The following KIAA1217 variants were observed in gnomAD, a reference collection of about 807,000 sequenced individuals.
KIAA1217 encodes the protein sickle tail protein homolog.
KIAA1217 carries 88 observed loss-of-function variants against 163.9 expected under a neutral mutation model. The observed-to-expected ratio is 0.54, with a 90% CI of 0.45 to 0.64. KIAA1217 has a LOEUF of 0.64. KIAA1217 is among the 30% of genes least tolerant of loss of function. The pLI is 0.00. For missense variants in KIAA1217, 2,372 were observed against 2,475.0 expected (o/e 0.96, Z 0.88); for synonymous variants, 903 against 923.1 (o/e 0.98, Z 0.39).
chr10:23,704,172 GTATA>G (rs35533445), intron 1 of KIAA1217, among the ~76,000 whole-genome samples: 6,242 of 39,684 alleles, frequency 0.16, 422 homozygotes, highest in Middle Eastern at 0.26. Context: ...GTGTGTGTGT[GTATA>G]TATATATATA....
At chr10:24,081,745 G>T (rs1457725963) in intron 2 of KIAA1217, among the ~76,000 whole-genome samples, 2 of 152,216 alleles carry the variant, frequency 1.3e-5, no homozygotes, top group African/African-American at 2.4e-5. Flanking sequence ...AATGTGTGAA[G>T]AAAATTTATA....
chr10:23,927,439 ATAT>A (rs1415713084), intron 1 of KIAA1217, among the ~76,000 whole-genome samples: 34 of 152,028 alleles, frequency 2.2e-4, no homozygotes, highest in Admixed American at 2.2e-3. Flanking sequence ...TAACGTGAAA[ATAT>A]TATGAGAATT....
chr10:24,341,618 A>G (rs556083992), intron 2 of KIAA1217, among the ~76,000 whole-genome samples: 1 of 152,022 alleles, frequency 6.6e-6, no homozygotes, highest in East Asian at 1.9e-4. Flanking sequence ...TCTGCGTCAT[A>G]GCCAAAGACT....
At chr10:23,710,866 C>T (rs1274966505) in intron 1 of KIAA1217, among the ~76,000 whole-genome samples, 1 of 152,170 alleles carries the variant, frequency 6.6e-6, no homozygotes, top group Non-Finnish European at 1.5e-5. Context: ...ACCATCTATC[C>T]TTCTTATTCT....
intron 2 of KIAA1217, among the ~76,000 whole-genome samples, chr10:24,184,526 C>T (rs1313632314): frequency 6.6e-6 from 1 of 152,154 alleles, no homozygotes; most frequent in Admixed American, 6.5e-5. Flanking sequence ...GACTATCACC[C>T]ACACAGACTA....
chr10:23,765,313 C>T (rs1448693075), intron 1 of KIAA1217, among the ~76,000 whole-genome samples: 1 of 150,914 alleles, frequency 6.6e-6, no homozygotes, highest in African/African-American at 2.4e-5. Flanking sequence ...CTCAGCCTCC[C>T]GAGTAGCTGG....
intron 3 of KIAA1217, among the ~76,000 whole-genome samples, chr10:24,402,469 A>T (rs1242493683): frequency 6.7e-6 from 1 of 148,602 alleles, no homozygotes; most frequent in Non-Finnish European, 1.5e-5. Context: ...AGATCGCGCC[A>T]CTGCACTCCA....
At chr10:24,509,599 A>G (rs1245006696) in intron 9 of KIAA1217, among the ~76,000 whole-genome samples, 1 of 152,198 alleles carries the variant, frequency 6.6e-6, no homozygotes, top group Admixed American at 6.5e-5. Flanking sequence ...CTTGAACAAC[A>G]TGGGGGTTGG....
chr10:24,526,805 A>G (rs1230398059), intron 13 of KIAA1217, among the ~76,000 whole-genome samples: 1 of 152,202 alleles, frequency 6.6e-6, no homozygotes, highest in South Asian at 2.1e-4. Context: ...ACAGAAAAAA[A>G]GTATATGCCA....
rs374855179 is a variant in KIAA1217, at chr10:24,489,989, A to G, written c.1680-4511A>G. 2.6e-5 allele frequency among the ~76,000 whole-genome samples: 4 copies of G among 152,060 alleles called. No individual in the cohort carries two copies. In the East Asian group the frequency reaches 7.7e-4, roughly 29 times the overall value. ...GCAGAACAGACCACCAGCGGTATGA[A>G]TTTTGCTTCGTCTTCACAGACAGAC... On this transcript the variant is annotated intron_variant, in intron 6 of 20. Coordinates refer to ENST00000376454, the MANE Select transcript of KIAA1217 (RefSeq NM_019590.5).
chr10:24,402,516 C>CAAAAAAAAAAAAAAAA lies in KIAA1217; in HGVS notation c.553+21455_553+21456insAAAAAAAAAAAAAAAA, dbSNP rs372012492. On this transcript the variant is annotated intron_variant, in intron 3 of 20. Coordinates refer to ENST00000376454, the MANE Select transcript of KIAA1217 (RefSeq NM_019590.5). ...AAGGCAAGACTCCCTCTCAAAAAAA[C>CAAAAAAAAAAAAAAAA]AAAAAACAAAACAAAAAAAAAAAAA... 3.4e-4 allele frequency among the ~76,000 whole-genome samples: 32 copies of CAAAAAAAAAAAAAAAA among 92,796 alleles called. 1 individual carries two copies. The highest frequency in any genetic ancestry group is 1.5e-3 in the South Asian group (4 of 2,614). The allele number at this position is 92,796 out of a possible 152,430, so 60.9% of individuals were successfully genotyped here. A position where few individuals can be genotyped will look rare whatever the true frequency, so the allele number is the denominator to read the frequency against.
intron 5 of KIAA1217, among the ~76,000 whole-genome samples, chr10:24,471,135 A>C (rs1029232726): frequency 6.6e-6 from 1 of 152,080 alleles, no homozygotes; most frequent in East Asian, 1.9e-4. Context: ...TTCATTTTCA[A>C]CCTTCTCCTG....
At chr10:24,090,164 C>CTTTTTTTTTT (rs1162687231) in intron 2 of KIAA1217, among the ~76,000 whole-genome samples, 2 of 109,232 alleles carry the variant, frequency 1.8e-5, no homozygotes, top group East Asian at 2.6e-4. Context: ...TTTTCTTTTT[C>CTTTTTTTTTT]TTTTTTTTTT....
chr10:23,775,386 C>G (rs1256119159), intron 1 of KIAA1217, among the ~76,000 whole-genome samples: 1 of 152,038 alleles, frequency 6.6e-6, no homozygotes, highest in Non-Finnish European at 1.5e-5. Context: ...CTAAGGATGG[C>G]AATACTATTG....
intron 2 of KIAA1217, among the ~76,000 whole-genome samples, chr10:24,045,069 C>T (rs915794709): frequency 6.6e-6 from 1 of 152,106 alleles, no homozygotes; most frequent in Non-Finnish European, 1.5e-5. Context: ...GTCCAAAAAA[C>T]ATCTTTATTT....
intron 1 of KIAA1217, among the ~76,000 whole-genome samples, chr10:23,958,176 G>A (rs1427252562): frequency 6.6e-6 from 1 of 152,200 alleles, no homozygotes; most frequent in African/African-American, 2.4e-5. Context: ...ATAGAGGGAA[G>A]GTCCTGCCTA....
chr10:24,406,049 A>G (rs1046262988), intron 3 of KIAA1217, among the ~76,000 whole-genome samples: 1 of 152,190 alleles, frequency 6.6e-6, no homozygotes, highest in Middle Eastern at 3.2e-3. Context: ...GACAAAACTG[A>G]TTACAAAATA....
At chr10:24,467,935 C>T (rs2063124263) in intron 5 of KIAA1217, among the ~76,000 whole-genome samples, 1 of 152,020 alleles carries the variant, frequency 6.6e-6, no homozygotes, top group African/African-American at 2.4e-5. Flanking sequence ...GTATTTAATG[C>T]CATGTCTTTA....
intron 1 of KIAA1217, among the ~76,000 whole-genome samples, chr10:23,743,907 AAAT>A (rs200023146): frequency 7.9e-5 from 12 of 151,578 alleles, no homozygotes; most frequent in South Asian, 2.1e-4. Flanking sequence ...AGAAAAAAAA[AAAT>A]AAATGTCTCT....
Sources: allele counts gnomAD v4.1 joint callset (sites outside exome capture counted in the v4.1 genomes callset), GRCh38; gene constraint gnomAD v4.1.1; transcripts MANE v1.5; gene names NCBI Gene and HGNC (gene_info 2026-07-23, HGNC 2026-07-21).